Variants in CIAO1 observed in about 807,000 individuals in gnomAD.
CIAO1 encodes the protein cytosolic iron-sulfur assembly component 1, also known as probable cytosolic iron-sulfur protein assembly protein CIAO1.
CIAO1 carries 32 observed loss-of-function variants against 43.1 expected under a neutral mutation model. The observed-to-expected ratio is 0.74, with a 90% CI of 0.56 to 1.00. The LOEUF is 1.00. Ranked by LOEUF, CIAO1 falls within the 50% of genes least tolerant of loss-of-function variation. CIAO1 has a pLI of 0.00. For synonymous variants in CIAO1, 183 were observed against 171.4 expected (o/e 1.07, Z -0.53); for missense variants, 415 against 437.4 (o/e 0.95, Z 0.46).
intron 2 of CIAO1, 71 bp downstream of exon 2, chr2:96,267,540 A>G: frequency 1.2e-6 from 2 of 1,608,042 alleles, no homozygotes; most frequent in Non-Finnish European, 1.7e-6. Flanking sequence ...ACCTGAGCCA[A>G]CCTGCGCCAG....
At position 96,267,881 on chromosome 2, in the gene CIAO1, A is replaced by T; in HGVS notation, c.446A>T (p.His149Leu). 6.2e-7 allele frequency: 1 copy of T among 1,614,192 alleles called. No individual in the cohort carries two copies. Among genetic ancestry groups the T allele is most frequent in the Non-Finnish European group, 8.5e-7 (1 of 1,180,024 alleles). ...EYECVSVLNS[H>L]TQDVKHVVWH... ...GAATGTGTCAGTGTTCTCAACTCCC[A>T]CACACAGGATGTCAAGCATGTGGTT... is the stretch of plus-strand genomic sequence containing the variant. The change falls in exon 4 of 7, where the codon CAC (histidine) becomes CTC (leucine). Residue 149 changes from histidine to leucine, a missense_variant. By Grantham distance (99) the His-to-Leu change is moderately conservative. Coordinates refer to ENST00000488633, the MANE Select transcript of CIAO1 (RefSeq NM_004804.3).
chr2:96,267,527 G>A, intron 2 of CIAO1, 58 bp downstream of exon 2: 1 of 1,610,304 alleles, frequency 6.2e-7, no homozygotes, highest in Non-Finnish European at 8.5e-7. Flanking sequence ...GGCTGGTTCA[G>A]GAACCTGAGC....
In CIAO1 at chr2:96,268,875, G is replaced by A. The variant is rs764801861; in HGVS notation, c.691+217G>A. 2.2e-5 allele frequency: 13 copies of A among 579,404 alleles called. 2 individuals carry two copies. Among genetic ancestry groups the A allele is most frequent in the South Asian group, 8.3e-5 (4 of 48,460 alleles). The allele number at this position is 579,404 out of a possible 1,614,324, so 35.9% of individuals were successfully genotyped here. ...TAGGATTTTAACATGAGAATTTCAC[G>A]TGAGAATTCAAGTGAAAACTCAACA... On this transcript the variant is annotated intron_variant, in intron 5 of 6. Transcript: ENST00000488633.
rs565497544 is a variant in CIAO1, at chr2:96,267,789, T to C, written c.401-47T>C. 4.0e-5 allele frequency: 65 copies of C among 1,611,992 alleles called. No homozygotes were observed. The East Asian group carries it at 1.4e-3, about 35-fold the overall frequency. On this transcript the variant is annotated intron_variant, in intron 3 of 6. Transcript: ENST00000488633. Reference sequence around the variant, plus strand: ...GGGAACCACCTGACAGCCCCCTCTGTGTCCCTGACAGGGTCGGCTCTTGGG... The same window carrying C: ...GGGAACCACCTGACAGCCCCCTCTGCGTCCCTGACAGGGTCGGCTCTTGGG...
intron 5 of CIAO1, 168 bp from the exon 6 acceptor site, chr2:96,269,100 C>A: frequency 1.6e-6 from 1 of 636,158 alleles, no homozygotes. Context: ...GCTTGAGAAA[C>A]GCCAGTCTGG....
Position 96,267,468 on chromosome 2 carries a change from A to AC in CIAO1, c.287_288insC (p.Glu96AspfsTer10), listed in dbSNP as rs747786180. 6.2e-7 allele frequency: 1 copy of AC among 1,614,048 alleles called. No homozygotes were observed. The highest frequency in any genetic ancestry group is 1.1e-5 in the South Asian group (1 of 91,076). On this transcript the variant is annotated frameshift_variant and splice_region_variant, in exon 2 of 7. Transcript: ENST00000488633. LOFTEE classifies it high-confidence loss of function. Reference sequence around the variant, plus strand: ...TGGAAGAAGAACCAGGATGACTTTGAGGTACCCAGGCTGGTTGGGACCAGA... The same window carrying AC: ...TGGAAGAAGAACCAGGATGACTTTGACGGTACCCAGGCTGGTTGGGACCAGA...
chr2:96,270,040 T>C (rs959798332), intron 6 of CIAO1, among the ~76,000 whole-genome samples: 3 of 152,178 alleles, frequency 2.0e-5, no homozygotes, highest in African/African-American at 7.2e-5. Context: ...AGGGTAGTTC[T>C]GGCCCTGAGA....
intron 4 of CIAO1, 84 bp from the exon 5 acceptor site, chr2:96,268,373 A>G: frequency 8.9e-7 from 1 of 1,118,298 alleles, no homozygotes; most frequent in Non-Finnish European, 1.3e-6. Context: ...AAAATAAAAT[A>G]AAAGCAGATA....
At position 96,269,280 on chromosome 2, in the gene CIAO1, GC is replaced by G. The variant is rs1338015324; in HGVS notation, c.705del (p.Ser235ArgfsTer29). On this transcript the variant is annotated frameshift_variant, in exon 6 of 7. Transcript: ENST00000488633. LOFTEE classifies it high-confidence loss of function. Reference sequence around the variant, plus strand: ...GTCTGTCTTGCAGGGGTGGCATGCAGCGGCTCTGACCCCAGTTGGAAATGTA... The same window carrying G: ...GTCTGTCTTGCAGGGGTGGCATGCAGGGCTCTGACCCCAGTTGGAAATGTA... ...LPGNEQGVAC[S>X]GSDPSWKCIC... 5 of 1,614,052 alleles carry G rather than the reference GC, an allele frequency of 3.1e-6. No homozygotes were observed. The Admixed American group carries it at 8.3e-5, about 27-fold the overall frequency.
At position 96,267,471 on chromosome 2, in the gene CIAO1, TA is replaced by T. The variant is rs769296881; in HGVS notation, c.288+3del. On this transcript the variant is annotated splice_donor_region_variant and intron_variant, in intron 2 of 6. Coordinates refer to ENST00000488633, the MANE Select transcript of CIAO1 (RefSeq NM_004804.3). Reference sequence around the variant, plus strand: ...AAGAAGAACCAGGATGACTTTGAGGTACCCAGGCTGGTTGGGACCAGAATTA... The same window carrying T: ...AAGAAGAACCAGGATGACTTTGAGGTCCCAGGCTGGTTGGGACCAGAATTA... The T allele has an allele frequency of 6.2e-7, 1 of 1,613,982 alleles. No individual in the cohort carries two copies. The highest frequency in any genetic ancestry group is 1.1e-5 in the South Asian group (1 of 91,082).
intron 5 of CIAO1, 38 bp from the exon 6 acceptor site, chr2:96,269,230 A>G (rs752360148): frequency 1.4e-5 from 22 of 1,579,038 alleles, no homozygotes; most frequent in Non-Finnish European, 1.7e-5. Flanking sequence ...TGCCCAGGAC[A>G]TAGGAACGTT....
At chr2:96,266,588 C>A in intron 1 of CIAO1, 99 bp downstream of exon 1, 3 of 1,223,552 alleles carry the variant, frequency 2.5e-6, no homozygotes, top group Non-Finnish European at 3.1e-6. Context: ...CTGTTCCTGG[C>A]GGAGGGAGAG....
rs954597264 is a variant in CIAO1 at position 96,271,398 on chromosome 2, A to G, written c.*47A>G. ...GTAATGACTCCCCAGAAAACGTCAT[A>G]TAAGACTTTACCAGCCCCTGAGAGG... On this transcript the variant is annotated 3_prime_UTR_variant, in exon 7 of 7. Transcript: ENST00000488633. 2 of 1,595,130 alleles carry G rather than the reference A, an allele frequency of 1.3e-6. No individual in the cohort carries two copies. Among genetic ancestry groups the G allele is most frequent in the South Asian group, 1.1e-5 (1 of 90,112 alleles).
At position 96,268,464 on chromosome 2, in the gene CIAO1, C is replaced by T; in HGVS notation, c.497C>T (p.Ala166Val). 1.1e-5 allele frequency: 17 copies of T among 1,614,154 alleles called. No homozygotes were observed. The highest frequency in any genetic ancestry group is 1.4e-5 in the Non-Finnish European group (17 of 1,179,984). Residue 166 changes from alanine to valine, a missense_variant, in exon 5 of 7, where the codon GCT becomes GTT. Coordinates refer to ENST00000488633, the MANE Select transcript of CIAO1 (RefSeq NM_004804.3). ...CTTTCACTCTTCCCCCAGCTCTTAG[C>T]TTCTGCCAGCTATGATGACACAGTG... Reference protein sequence around the residue: ...VVWHPSQELLASASYDDTVKL... With the variant: ...VVWHPSQELLVSASYDDTVKL...
rs1684567516 is a variant in CIAO1, at chr2:96,272,265, A to G, written c.*914A>G. Reference sequence around the variant, plus strand: ...TCACTTCTAAATGGGTTCTAATGTGACAATGGCCTCCAAAACTACAGCCTT... The same window carrying G: ...TCACTTCTAAATGGGTTCTAATGTGGCAATGGCCTCCAAAACTACAGCCTT... On this transcript the variant is annotated 3_prime_UTR_variant, in exon 7 of 7. Coordinates refer to ENST00000488633, the MANE Select transcript of CIAO1 (RefSeq NM_004804.3). The G allele has an allele frequency of 6.6e-6, 1 of 152,224 alleles. No homozygotes were observed. Among genetic ancestry groups the G allele is most frequent in the African/African-American group, 2.4e-5 (1 of 41,448 alleles). The allele number at this position is 152,224 out of a possible 1,614,324, so 9.4% of individuals were successfully genotyped here.
At position 96,272,807 on chromosome 2, in the gene CIAO1, T is replaced by C. The variant is rs1055083888; in HGVS notation, c.*1456T>C. 1 of 152,058 alleles carries C rather than the reference T, an allele frequency of 6.6e-6. No homozygotes were observed. Among genetic ancestry groups the C allele is most frequent in the African/African-American group, 2.4e-5 (1 of 41,390 alleles). The allele number at this position is 152,058 out of a possible 1,614,324, so 9.4% of individuals were successfully genotyped here. ...CCCAGGCAACAAGAGTGAAACCCTG[T>C]CTCAAAAAGAAAAAAAAAGTTGACC... On this transcript the variant is annotated 3_prime_UTR_variant, in exon 7 of 7. Transcript: ENST00000488633.
rs1475580547 is a variant in CIAO1 at position 96,274,099 on chromosome 2, A to ATAAT, written c.*2749_*2752dup. 2.0e-5 allele frequency among the ~76,000 whole-genome samples: 3 copies of ATAAT among 151,962 alleles called. No individual in the cohort carries two copies. In the East Asian group the frequency reaches 5.8e-4, roughly 29 times the overall value. ...TAAAAGTGCATTAACCTTAATCTAG[A>ATAAT]TAATAAAAGCTTTTTGGGGCAACCT... On this transcript the variant is annotated 3_prime_UTR_variant, in exon 7 of 7. Transcript: ENST00000488633.
Position 96,271,321 on chromosome 2 carries a change from C to T in CIAO1, c.990C>T (p.Phe330=), listed in dbSNP as rs2104320383. The change falls in exon 7 of 7, where the codon TTC becomes TTT. Residue 330 remains phenylalanine (F), a synonymous_variant. Transcript: ENST00000488633. ...GCAGTGATGATGGGGAGGTGGCCTT[C>T]TGGAAGTATCAGCGGCCTGAAGGCC... ...ASCSDDGEVA[F]WKYQRPEGL 1.2e-6 allele frequency: 2 copies of T among 1,614,168 alleles called. No homozygotes were observed. The highest frequency in any genetic ancestry group is 2.2e-5 in the East Asian group (1 of 44,888).
rs1684565803 is a variant in CIAO1 at position 96,272,171 on chromosome 2, A to G, written c.*820A>G. The G allele has an allele frequency of 6.6e-6, 1 of 152,204 alleles. No homozygotes were observed. Among genetic ancestry groups the G allele is most frequent in the Admixed American group, 6.5e-5 (1 of 15,272 alleles). The allele number at this position is 152,204 out of a possible 1,614,324, so 9.4% of individuals were successfully genotyped here. ...AAGAAGGCTTCCTAGGGGACTGGCG[A>G]TTTAAACCAGTTGAGAAACACTGCC... On this transcript the variant is annotated 3_prime_UTR_variant, in exon 7 of 7. Transcript: ENST00000488633.
Sources: gnomAD v4.1 joint callset for allele counts (sites outside exome capture counted in the v4.1 genomes callset) on GRCh38, gnomAD v4.1.1 for gene constraint, MANE v1.5 for transcripts, NCBI Gene and HGNC (gene_info 2026-07-23, HGNC 2026-07-21) for gene names.